The following CTNND2 variants were observed in gnomAD, a reference collection of about 807,000 sequenced individuals.
The protein encoded by CTNND2 is catenin delta-2.
A neutral mutation model predicts 144.4 loss-of-function variants in CTNND2; 22 were observed. The observed-to-expected ratio is 0.15, with a 90% CI of 0.11 to 0.22. CTNND2 has a LOEUF of 0.22. CTNND2 is among the 10% of genes least tolerant of loss of function. The pLI, the probability that CTNND2 is intolerant of heterozygous loss-of-function variation, is 1.00. For synonymous variants in CTNND2, 751 were observed against 695.6 expected (o/e 1.08, Z -1.25); for missense variants, 1,353 against 1,618.8 (o/e 0.84, Z 2.82).
At chr5:11,753,128 A>G (rs1224405869) in intron 1 of CTNND2, among the ~76,000 whole-genome samples, 1 of 151,838 alleles carries the variant, frequency 6.6e-6, no homozygotes, top group African/African-American at 2.4e-5. Context: ...CTGCAAGCAG[A>G]GAAAGCCTGA....
chr5:11,370,335 A>C (rs1757353988), intron 7 of CTNND2, among the ~76,000 whole-genome samples: 2 of 152,188 alleles, frequency 1.3e-5, no homozygotes, highest in African/African-American at 4.8e-5. Flanking sequence ...AGTGGGATGC[A>C]TCAATGCACA....
intron 1 of CTNND2, among the ~76,000 whole-genome samples, chr5:11,801,222 G>C (rs1376898760): frequency 6.6e-6 from 1 of 152,140 alleles, no homozygotes. Context: ...GAGGTTTTTT[G>C]TAAGTTTGCA....
chr5:11,826,106 T>A (rs55964146), intron 1 of CTNND2, among the ~76,000 whole-genome samples: 1,682 of 152,144 alleles, frequency 0.011, 19 homozygotes, highest in East Asian at 0.062. Context: ...AGTTTTAAAA[T>A]TTTTTAATCA....
Position 11,510,797 on chromosome 5 carries a change from G to A in CTNND2, c.287+54147C>T, listed in dbSNP as rs145807439. ...ATACAAAAAATTAGCCGGGCATGGT[G>A]GCACATGCATGTAGTCCCAGCTACT... On this transcript the variant is annotated intron_variant, in intron 3 of 21. Coordinates refer to ENST00000304623, the MANE Select transcript of CTNND2 (RefSeq NM_001332.4). 4.1e-3 allele frequency among the ~76,000 whole-genome samples: 622 copies of A among 152,200 alleles called. 5 individuals are homozygous for A. The highest frequency in any genetic ancestry group is 0.014 in the African/African-American group (593 of 41,530).
intron 11 of CTNND2, among the ~76,000 whole-genome samples, chr5:11,168,000 C>T (rs567778941): frequency 7.6e-4 from 115 of 152,170 alleles, no homozygotes; most frequent in African/African-American, 2.4e-3. Context: ...GCCACTATGC[C>T]TGACCCTCAC....
intron 9 of CTNND2, among the ~76,000 whole-genome samples, chr5:11,256,277 T>A (rs1371169427): frequency 2.0e-5 from 3 of 152,294 alleles, no homozygotes; most frequent in East Asian, 3.9e-4. Context: ...CATAGATACA[T>A]AAAACCCATT....
chr5:11,628,887 G>T (rs887710070), intron 2 of CTNND2, among the ~76,000 whole-genome samples: 1 of 152,138 alleles, frequency 6.6e-6, no homozygotes, highest in African/African-American at 2.4e-5. Flanking sequence ...TTTACTTTTT[G>T]CATGCCTCTT....
At chr5:11,445,804 G>A (rs549784589) in intron 3 of CTNND2, among the ~76,000 whole-genome samples, 2 of 152,284 alleles carry the variant, frequency 1.3e-5, no homozygotes, top group Middle Eastern at 3.4e-3. Flanking sequence ...TAAGCAGTAA[G>A]TTCTATAAAT....
At chr5:11,815,068 A>C (rs1298912656) in intron 1 of CTNND2, among the ~76,000 whole-genome samples, 1 of 152,210 alleles carries the variant, frequency 6.6e-6, no homozygotes, top group Non-Finnish European at 1.5e-5. Flanking sequence ...TTATATCTAC[A>C]AATTATATCT....
chr5:11,011,527 A>C (rs1030195821), intron 18 of CTNND2, among the ~76,000 whole-genome samples: 1 of 152,160 alleles, frequency 6.6e-6, no homozygotes, highest in Non-Finnish European at 1.5e-5. Context: ...TGAACTATGG[A>C]TTTTAATTCA....
chr5:11,237,010 T>G (rs1741712464), intron 9 of CTNND2, among the ~76,000 whole-genome samples, 187 bp from the exon 10 acceptor site: 7 of 151,966 alleles, frequency 4.6e-5, no homozygotes, highest in Admixed American at 3.9e-4. Context: ...AGTAAATAGT[T>G]TTCTTTCTTT....
intron 2 of CTNND2, among the ~76,000 whole-genome samples, chr5:11,701,038 G>T (rs1785409811): frequency 6.6e-6 from 1 of 152,120 alleles, no homozygotes. Flanking sequence ...GCTCACTTTG[G>T]TTAAATATTC....
intron 1 of CTNND2, among the ~76,000 whole-genome samples, chr5:11,735,078 C>T (rs1458690733): frequency 6.6e-6 from 1 of 152,036 alleles, no homozygotes; most frequent in African/African-American, 2.4e-5. Context: ...ATCAACAAAA[C>T]AAAATTTGAG....
rs371135420 is a variant in CTNND2 at position 11,143,618 on chromosome 5, C to T, written c.2159+15958G>A. 1.3e-4 allele frequency among the ~76,000 whole-genome samples: 20 copies of T among 152,344 alleles called. No homozygotes were observed. In the East Asian group the frequency reaches 3.1e-3, roughly 23 times the overall value. On this transcript the variant is annotated intron_variant, in intron 12 of 21. Coordinates refer to ENST00000304623, the MANE Select transcript of CTNND2 (RefSeq NM_001332.4). ...ATCCTAATGACTTCATCTAAACTAA[C>T]TTTATCAGCAATGAACTTATTTCCA...
At chr5:10,980,189 C>CTT (rs1737049837) in intron 21 of CTNND2, among the ~76,000 whole-genome samples, 1 of 151,654 alleles carries the variant, frequency 6.6e-6, no homozygotes, top group Non-Finnish European at 1.5e-5. Flanking sequence ...CTATAAAGAA[C>CTT]TTAAACAAAT....
chr5:11,787,923 AACACTGACTTTC>A (rs1790920471), intron 1 of CTNND2, among the ~76,000 whole-genome samples: 1 of 152,234 alleles, frequency 6.6e-6, no homozygotes, highest in South Asian at 2.1e-4. Context: ...ATAAATTAGT[AACACTGACTTTC>A]CAACAAAACA....
chr5:11,373,735 T>C (rs1473592669), intron 7 of CTNND2, among the ~76,000 whole-genome samples: 3 of 152,288 alleles, frequency 2.0e-5, no homozygotes, highest in East Asian at 3.9e-4. Flanking sequence ...GAGGAGCATG[T>C]GTCAAGGTTT....
intron 5 of CTNND2, among the ~76,000 whole-genome samples, chr5:11,406,713 A>T (rs1761128444): frequency 1.3e-5 from 2 of 152,174 alleles, no homozygotes; most frequent in South Asian, 4.1e-4. Flanking sequence ...CCTCTGTTAA[A>T]CTATATATGA....
chr5:11,828,920 G>A (rs1442139459), intron 1 of CTNND2, among the ~76,000 whole-genome samples: 1 of 152,094 alleles, frequency 6.6e-6, no homozygotes, highest in African/African-American at 2.4e-5. Context: ...ATAATGATAT[G>A]GACAATAAAG....
Sources: gnomAD v4.1 joint callset for allele counts (sites outside exome capture counted in the v4.1 genomes callset) on GRCh38, gnomAD v4.1.1 for gene constraint, MANE v1.5 for transcripts, NCBI Gene and HGNC (gene_info 2026-07-23, HGNC 2026-07-21) for gene names.